Variants in AHCTF1 observed in about 807,000 individuals in gnomAD.
The protein encoded by AHCTF1 is AT-hook containing transcription factor 1, also known as protein ELYS.
Under a neutral mutation model 248.4 loss-of-function variants are expected in AHCTF1, and 24 were observed. The ratio of observed to expected loss-of-function variants is 0.10; its 90% CI spans 0.07 to 0.14. AHCTF1 has a LOEUF of 0.14. Ranked by LOEUF, AHCTF1 falls within the 10% of genes least tolerant of loss-of-function variation. The probability of loss-of-function intolerance (pLI) is 1.00; values close to 1 mark genes in which losing one functional copy is unlikely to be tolerated. For synonymous variants in AHCTF1, 786 were observed against 929.8 expected, an observed-to-expected ratio of 0.85 and a Z score of 2.81; for missense variants, 2,206 against 2,636.2, an observed-to-expected ratio of 0.84 and a Z score of 3.57.
Position 246,916,126 on chromosome 1 carries a change from C to T in AHCTF1, c.375+16G>A. ...TTTTGAAAGAGAAATGTCCAGGTAT[C>T]TTAAACAGTACCTACCCTTCCAGGA... On this transcript the variant is annotated intron_variant, in intron 3 of 35. Transcript: ENST00000648844. The T allele has an allele frequency of 6.2e-7, 1 of 1,610,152 alleles. No homozygotes were observed. The highest frequency in any genetic ancestry group is 1.1e-5 in the South Asian group (1 of 90,556).
intron 21 of AHCTF1, among the ~76,000 whole-genome samples, chr1:246,882,128 G>C (rs1663487664): frequency 6.6e-6 from 1 of 151,658 alleles, no homozygotes; most frequent in African/African-American, 2.4e-5. Flanking sequence ...CTCCTGAGTA[G>C]CTGGGACTAC....
chr1:246,839,403 T>C lies in AHCTF1; in HGVS notation c.*1403A>G, dbSNP rs566409610. 2 of 309,366 alleles carry C rather than the reference T, an allele frequency of 6.5e-6. No homozygotes were observed. Among genetic ancestry groups the C allele is most frequent in the Admixed American group, 1.3e-4 (2 of 15,468 alleles). The allele number at this position is 309,366 out of a possible 1,614,324, so 19.2% of individuals were successfully genotyped here. The stretch of plus-strand genomic sequence containing the variant: ...GCTCTTTATTCATTTAACAAGTTCA[T>C]TTAAATAAGTTCAATATTCCATAAA... On this transcript the variant is annotated 3_prime_UTR_variant, in exon 36 of 36. Transcript: ENST00000648844.
chr1:246,914,424 TACAGACAA>T (rs1558274866), intron 3 of AHCTF1, among the ~76,000 whole-genome samples: 1 of 152,234 alleles, frequency 6.6e-6, no homozygotes. Context: ...TGTAACTTAC[TACAGACAA>T]AAGCCTGGCT....
chr1:246,898,110 C>T (rs1664724298), intron 12 of AHCTF1, 98 bp downstream of exon 12: 3 of 1,528,586 alleles, frequency 2.0e-6, no homozygotes, highest in Non-Finnish European at 2.7e-6. Flanking sequence ...CACTACTTCA[C>T]CTATTTTTGC....
At chr1:246,897,353 A>C (rs946704057) in intron 12 of AHCTF1, among the ~76,000 whole-genome samples, 1 of 152,162 alleles carries the variant, frequency 6.6e-6, no homozygotes, top group African/African-American at 2.4e-5. Context: ...AAACGAAAAA[A>C]GTCTATTATT....
At chr1:246,888,546 T>C in intron 17 of AHCTF1, 29 bp from the exon 18 acceptor site, 1 of 1,610,588 alleles carries the variant, frequency 6.2e-7, no homozygotes, top group Non-Finnish European at 8.5e-7. Context: ...TAAGACTTAT[T>C]TAATATCACT....
intron 26 of AHCTF1, 79 bp downstream of exon 26, chr1:246,867,165 A>G: frequency 4.2e-6 from 3 of 714,242 alleles, no homozygotes; most frequent in Non-Finnish European, 6.7e-6. Flanking sequence ...AGTCTATAAA[A>G]TGTTAAAGAT....
At chr1:246,869,028 T>C (rs199732006) in intron 24 of AHCTF1, among the ~76,000 whole-genome samples, 11 of 151,368 alleles carry the variant, frequency 7.3e-5, no homozygotes, top group Non-Finnish European at 1.2e-4. Flanking sequence ...CTATTTTTAG[T>C]AGAGACGGGG....
At chr1:246,928,035 C>A (rs1046907040) in intron 1 of AHCTF1, among the ~76,000 whole-genome samples, 3 of 151,626 alleles carry the variant, frequency 2.0e-5, no homozygotes. Flanking sequence ...AAATACTGTT[C>A]GGCCGGGTGC....
At chr1:246,880,715 C>T (rs1368298549) in intron 21 of AHCTF1, among the ~76,000 whole-genome samples, 1 of 151,844 alleles carries the variant, frequency 6.6e-6, no homozygotes, top group African/African-American at 2.4e-5. Flanking sequence ...CAACAAATGA[C>T]AGATGATAAT....
chr1:246,899,957 CAGTG>C (rs775747148), intron 10 of AHCTF1, 104 bp downstream of exon 10: 16 of 1,077,590 alleles, frequency 1.5e-5, no homozygotes, highest in Non-Finnish European at 2.1e-5. Flanking sequence ...TGTTAACTAA[CAGTG>C]AGATACAAAC....
intron 26 of AHCTF1, among the ~76,000 whole-genome samples, chr1:246,866,650 C>A (rs935975225): frequency 1.3e-5 from 2 of 151,682 alleles, no homozygotes; most frequent in African/African-American, 4.8e-5. Context: ...ATAAAACAAT[C>A]AAAAATTTCC....
Position 246,903,937 on chromosome 1 carries a change from A to G in AHCTF1, c.966+12T>C, listed in dbSNP as rs1665200144. ...AATGGTAATATAAACCCATAGTCCA[A>G]TGACCATTTACCTCATATAAGATTT... On this transcript the variant is annotated intron_variant, in intron 7 of 35. Transcript: ENST00000648844. 6.2e-7 allele frequency: 1 copy of G among 1,602,670 alleles called. No homozygotes were observed. Among genetic ancestry groups the G allele is most frequent in the Admixed American group, 1.7e-5 (1 of 59,918 alleles).
rs1315513566 is a variant in AHCTF1, at chr1:246,916,199, G to A, written c.318C>T (p.Leu106=). Reference sequence around the variant, plus strand: ...TTGATATTCCAAGGTCATAAAGACAGAGAACACTCCCTTCTGTTTCTTCCA... The same window carrying A: ...TTGATATTCCAAGGTCATAAAGACAAAGAACACTCCCTTCTGTTTCTTCCA... ...IGLEETEGSV[L]CLYDLGISKV... Residue 106 remains leucine (L), a synonymous_variant, in exon 3 of 36, where the codon CTC becomes CTT. Coordinates refer to ENST00000648844, the MANE Select transcript of AHCTF1 (RefSeq NM_001323342.2). 1.2e-6 allele frequency: 2 copies of A among 1,610,752 alleles called. No individual in the cohort carries two copies.
chr1:246,853,967 A>AAAAGT (rs1264882134), intron 31 of AHCTF1, among the ~76,000 whole-genome samples: 1 of 152,184 alleles, frequency 6.6e-6, no homozygotes, highest in African/African-American at 2.4e-5. Flanking sequence ...TCAAATACAT[A>AAAAGT]AAAGTAGTAT....
intron 27 of AHCTF1, among the ~76,000 whole-genome samples, chr1:246,862,825 A>G (rs1661672385): frequency 2.0e-5 from 3 of 152,354 alleles, no homozygotes; most frequent in Middle Eastern, 3.4e-3. Flanking sequence ...CACGAATCCA[A>G]TAATAACCAA....
Position 246,867,729 on chromosome 1 carries a change from A to G in AHCTF1, c.3171T>C (p.Asn1057=), listed in dbSNP as rs1163101055. The part of the protein sequence containing the change: ...TVLTRSVFIN[N]VLSKIGEVWA... ...AAACTTCTCCAATTTTAGATAACACATTGTTGATGAAAACAGATCTTGTCA... is the reference window on the plus strand; with the variant it reads ...AAACTTCTCCAATTTTAGATAACACGTTGTTGATGAAAACAGATCTTGTCA... Residue 1057 remains asparagine (N), a synonymous_variant, in exon 25 of 36, where the codon AAT becomes AAC. Transcript: ENST00000648844. The G allele has an allele frequency of 6.2e-7, 1 of 1,612,428 alleles. No individual in the cohort carries two copies. The highest frequency in any genetic ancestry group is 1.1e-5 in the South Asian group (1 of 90,976).
intron 13 of AHCTF1, 47 bp from the exon 14 acceptor site, chr1:246,894,795 A>C: frequency 6.6e-7 from 1 of 1,511,216 alleles, no homozygotes; most frequent in Non-Finnish European, 9.2e-7. Context: ...ATTAATTACA[A>C]ACAGAGTTCT....
rs1664894587 is a variant in AHCTF1, at chr1:246,900,171, TGGA to T, written c.1323_1325del (p.Pro442del). 6.2e-7 allele frequency: 1 copy of T among 1,610,670 alleles called. No individual in the cohort carries two copies. Among genetic ancestry groups the T allele is most frequent in the Admixed American group, 1.7e-5 (1 of 59,314 alleles). On this transcript the variant is annotated inframe_deletion, in exon 10 of 36. Coordinates refer to ENST00000648844, the MANE Select transcript of AHCTF1 (RefSeq NM_001323342.2). ...GTACTAATATATCCAAGATGCCATG[TGGA>T]GAAGTCCTACTTACAACAGACTCCA...
Sources: gnomAD v4.1 joint callset for allele counts (sites outside exome capture counted in the v4.1 genomes callset) on GRCh38, gnomAD v4.1.1 for gene constraint, MANE v1.5 for transcripts, NCBI Gene and HGNC (gene_info 2026-07-23, HGNC 2026-07-21) for gene names.